C5AR2: variants seen among roughly 807,000 people sequenced by gnomAD.
C5AR2 encodes the protein complement C5a receptor 2.
For synonymous variants in C5AR2, 224 were observed against 216.5 expected (o/e 1.03, Z -0.30); for missense variants, 458 against 467.5 (o/e 0.98, Z 0.19).
Position 47,340,824 on chromosome 19 carries a change from G to C in C5AR2, c.25G>C (p.Glu9Gln). MGNDSVSY[E>Q]YGDYSDLSDR... The stretch of plus-strand genomic sequence containing the variant: ...AATGGGGAACGATTCTGTCAGCTAC[G>C]AGTATGGGGATTACAGCGACCTCTC... The change falls in exon 2 of 2, where the codon GAG becomes CAG. Residue 9 changes from glutamate to glutamine, a missense_variant. Physicochemically the swap from Glu to Gln is conservative, Grantham distance 29. Transcript: ENST00000595464. The C allele has an allele frequency of 6.2e-7, 1 of 1,613,514 alleles. No individual in the cohort carries two copies. Among genetic ancestry groups the C allele is most frequent in the Non-Finnish European group, 8.5e-7 (1 of 1,179,994 alleles).
intron 1 of C5AR2, among the ~76,000 whole-genome samples, chr19:47,334,809 C>G (rs547983395): frequency 1.6e-4 from 24 of 151,996 alleles, no homozygotes; most frequent in Non-Finnish European, 2.9e-4. Context: ...GCCTTGACCT[C>G]ACGGGCGTAG....
chr19:47,341,836 G>A lies in C5AR2; in HGVS notation c.*23G>A, dbSNP rs531288928. On this transcript the variant is annotated 3_prime_UTR_variant, in exon 2 of 2. Coordinates refer to ENST00000595464, the MANE Select transcript of C5AR2 (RefSeq NM_001271749.2). This position sits in a 1 kb window ranked among gnomAD's most constrained non-coding sequence, Gnocchi z 4.6. ...TAGGCTGGAGAGACATTGTGGGTGTGTATCTTCTTATCTCATTTCACAAGA... is the reference window on the plus strand; with the variant it reads ...TAGGCTGGAGAGACATTGTGGGTGTATATCTTCTTATCTCATTTCACAAGA... The A allele has an allele frequency of 2.5e-6, 4 of 1,605,122 alleles. No homozygotes were observed. In the South Asian group the frequency reaches 3.3e-5, roughly 13 times the overall value.
rs1969124833 is a variant in C5AR2, at chr19:47,346,696, C to T, written c.*4883C>T. 1 of 151,498 alleles carries T rather than the reference C, an allele frequency of 6.6e-6. No individual in the cohort carries two copies. Among genetic ancestry groups the T allele is most frequent in the African/African-American group, 2.4e-5 (1 of 41,088 alleles). The allele number at this position is 151,498 out of a possible 1,614,324, so 9.4% of individuals were successfully genotyped here. ...CTCCAGCCTGGGTGACAGAGCAAGA[C>T]TCCGTCTAAAAAAAAAAAATAGTAA... On this transcript the variant is annotated 3_prime_UTR_variant, in exon 2 of 2. Coordinates refer to ENST00000595464, the MANE Select transcript of C5AR2 (RefSeq NM_001271749.2).
Position 47,342,094 on chromosome 19 carries a change from C to T in C5AR2, c.*281C>T, listed in dbSNP as rs967630036. The T allele has an allele frequency of 5.9e-6, 2 of 338,886 alleles. No homozygotes were observed. The highest frequency in any genetic ancestry group is 3.8e-5 in the South Asian group (1 of 26,174). 21.0% of individuals were successfully genotyped at this position (338,886 alleles called of 1,614,324 possible). A position where few individuals can be genotyped will look rare whatever the true frequency, so the allele number is the denominator to read the frequency against. On this transcript the variant is annotated 3_prime_UTR_variant, in exon 2 of 2. Coordinates refer to ENST00000595464, the MANE Select transcript of C5AR2 (RefSeq NM_001271749.2). Reference sequence around the variant, plus strand: ...ATAGGGCCATTTGCGGTGGCTCACGCCTGTAATTCCAGGGCTTTGGGAGGC... The same window carrying T: ...ATAGGGCCATTTGCGGTGGCTCACGTCTGTAATTCCAGGGCTTTGGGAGGC...
chr19:47,335,780 AAAAAAAAAAAAAAAAAAAAAAAG>A (rs1016594878), intron 1 of C5AR2, among the ~76,000 whole-genome samples: 1 of 130,758 alleles, frequency 7.6e-6, no homozygotes, highest in Admixed American at 7.7e-5. Context: ...TCAAAAAAAA[AAAAAAAAAAAAAAAAAAAAAAAG>A]AAAGTTTTCG....
intron 1 of C5AR2, among the ~76,000 whole-genome samples, chr19:47,332,989 TTTCTC>T (rs2059345087): frequency 6.6e-6 from 1 of 151,976 alleles, no homozygotes; most frequent in South Asian, 2.1e-4. Flanking sequence ...TTCCAATTCT[TTTCTC>T]TTTCTTTCCT....
At chr19:47,337,374 CT>C (rs1362812840) in intron 1 of C5AR2, among the ~76,000 whole-genome samples, 1 of 152,090 alleles carries the variant, frequency 6.6e-6, no homozygotes, top group Non-Finnish European at 1.5e-5. Context: ...TGAAATTTAC[CT>C]ACTTAGGGCT....
At chr19:47,337,661 CA>C (rs995527893) in intron 1 of C5AR2, among the ~76,000 whole-genome samples, 11 of 143,648 alleles carry the variant, frequency 7.7e-5, no homozygotes, top group Admixed American at 2.1e-4. Context: ...GACTCTGTCT[CA>C]AAAAAAAAAA....
rs577516180 is a variant in C5AR2, at chr19:47,341,435, C to A, written c.636C>A (p.Pro212=). The A allele has an allele frequency of 6.2e-7, 1 of 1,612,060 alleles. No homozygotes were observed. Among genetic ancestry groups the A allele is most frequent in the Non-Finnish European group, 8.5e-7 (1 of 1,179,898 alleles). ...AIRFLFGFLG[P]LVAVASCHSA... ...GGTTTCTTTTTGGCTTCCTGGGGCC[C>A]CTGGTGGCCGTGGCCAGCTGCCACA... is the stretch of plus-strand genomic sequence containing the variant. The change falls in exon 2 of 2, where the codon CCC becomes CCA. Residue 212 remains proline, a synonymous_variant. Coordinates refer to ENST00000595464, the MANE Select transcript of C5AR2 (RefSeq NM_001271749.2). This position sits in a 1 kb window ranked among gnomAD's most constrained non-coding sequence, Gnocchi z 4.6.
At chr19:47,338,906 C>T (rs1229890409) in intron 1 of C5AR2, among the ~76,000 whole-genome samples, 1 of 151,910 alleles carries the variant, frequency 6.6e-6, no homozygotes, top group South Asian at 2.1e-4. Flanking sequence ...GTAATCCCAG[C>T]ACTTTGGGAG....
In C5AR2 at chr19:47,343,837, C is replaced by CA. The variant is rs571187864; in HGVS notation, c.*2035dup. ...TGGATGTCAGAATGAGACTCCATCT[C>CA]AAAAAAAAAAAGAAAGAAAGAATAA... On this transcript the variant is annotated 3_prime_UTR_variant, in exon 2 of 2. Coordinates refer to ENST00000595464, the MANE Select transcript of C5AR2 (RefSeq NM_001271749.2). The CA allele has an allele frequency of 1.7e-3, 235 of 137,768 alleles. No individual in the cohort carries two copies. The highest frequency in any genetic ancestry group is 2.5e-3 in the Non-Finnish European group (156 of 63,310). The allele number at this position is 137,768 out of a possible 1,614,324, so 8.5% of individuals were successfully genotyped here. A position where few individuals can be genotyped will look rare whatever the true frequency, so the allele number is the denominator to read the frequency against.
chr19:47,338,439 C>A (rs1211633927), intron 1 of C5AR2, among the ~76,000 whole-genome samples: 4 of 37,524 alleles, frequency 1.1e-4, no homozygotes, highest in Non-Finnish European at 1.5e-4. Flanking sequence ...AGAGCAATAT[C>A]TGTCCCTAAA....
chr19:47,341,740 C>T lies in C5AR2; in HGVS notation c.941C>T (p.Ser314Phe), dbSNP rs780687004. The stretch of plus-strand genomic sequence containing the variant: ...GCCTGTCACTGGGCCCTGAGGGAGT[C>T]CCAGGGCCAGGACGAAAGTGTGGAC... Reference protein sequence around the residue: ...PAACHWALRESQGQDESVDSK... With the variant: ...PAACHWALREFQGQDESVDSK... Residue 314 changes from serine to phenylalanine, a missense_variant, in exon 2 of 2, where the codon TCC becomes TTC. Coordinates refer to ENST00000595464, the MANE Select transcript of C5AR2 (RefSeq NM_001271749.2). This position sits in a 1 kb window ranked among gnomAD's most constrained non-coding sequence, Gnocchi z 4.6. 5 of 1,613,820 alleles carry T rather than the reference C, an allele frequency of 3.1e-6. No individual in the cohort carries two copies. The Admixed American group carries it at 8.3e-5, about 27-fold the overall frequency.
chr19:47,341,075 G>A lies in C5AR2; in HGVS notation c.276G>A (p.Val92=), dbSNP rs745543150. The A allele has an allele frequency of 1.1e-5, 17 of 1,605,470 alleles. No homozygotes were observed. In the South Asian group the frequency reaches 1.2e-4, roughly 11 times the overall value. Residue 92 remains valine (V), a synonymous_variant, in exon 2 of 2, where the codon GTG becomes GTA. Coordinates refer to ENST00000595464, the MANE Select transcript of C5AR2 (RefSeq NM_001271749.2). This position sits in a 1 kb window ranked among gnomAD's most constrained non-coding sequence, Gnocchi z 4.6. ...GTTTGTCTCTGCCCATCCTGGCAGT[G>A]CCCATTGCCCGTGGAGGCCACTGGC... ...LCCLSLPILA[V]PIARGGHWPY...
At chr19:47,333,987 C>T (rs1376679938) in intron 1 of C5AR2, among the ~76,000 whole-genome samples, 2 of 152,158 alleles carry the variant, frequency 1.3e-5, no homozygotes, top group East Asian at 3.9e-4. Context: ...CTTGCAATCA[C>T]AACAAAAGAA....
Position 47,342,667 on chromosome 19 carries a change from C to A in C5AR2, c.*854C>A, listed in dbSNP as rs1969061719. 1 of 152,550 alleles carries A rather than the reference C, an allele frequency of 6.6e-6. No homozygotes were observed. Among genetic ancestry groups the A allele is most frequent in the Admixed American group, 6.6e-5 (1 of 15,254 alleles). The allele number at this position is 152,550 out of a possible 1,614,324, so 9.4% of individuals were successfully genotyped here. A position where few individuals can be genotyped will look rare whatever the true frequency, so the allele number is the denominator to read the frequency against. ...AAGTGCTGGGATTACAGGCGTGAGCCACCGCACCCGGCCAAAAGATTTTAA... is the reference window on the plus strand; with the variant it reads ...AAGTGCTGGGATTACAGGCGTGAGCAACCGCACCCGGCCAAAAGATTTTAA... On this transcript the variant is annotated 3_prime_UTR_variant, in exon 2 of 2. Coordinates refer to ENST00000595464, the MANE Select transcript of C5AR2 (RefSeq NM_001271749.2).
chr19:47,338,151 C>A (rs1372847815), intron 1 of C5AR2, among the ~76,000 whole-genome samples: 1 of 152,026 alleles, frequency 6.6e-6, no homozygotes, highest in Non-Finnish European at 1.5e-5. Context: ...TGGCCACTGC[C>A]TGTAGTCCCA....
Position 47,345,358 on chromosome 19 carries a change from CTTTTTT to C in C5AR2, c.*3563_*3568del. On this transcript the variant is annotated 3_prime_UTR_variant, in exon 2 of 2. Transcript: ENST00000595464. The stretch of plus-strand genomic sequence containing the variant: ...GCTCAGTCAGAAAGCACTGGTATCA[CTTTTTT>C]TTTTTTTTTTTTTTTTTGAGACGGA... 6 of 111,102 alleles carry C rather than the reference CTTTTTT, an allele frequency of 5.4e-5. No homozygotes were observed. Among genetic ancestry groups the C allele is most frequent in the East Asian group, 2.6e-4 (1 of 3,776 alleles). The allele number at this position is 111,102 out of a possible 1,614,324, so 6.9% of individuals were successfully genotyped here.
chr19:47,336,603 G>A (rs1300467478), intron 1 of C5AR2, among the ~76,000 whole-genome samples: 4 of 151,808 alleles, frequency 2.6e-5, no homozygotes, highest in African/African-American at 9.7e-5. Flanking sequence ...AAACTCCTGG[G>A]CTCATGTGAT....
Sources: allele counts gnomAD v4.1 joint callset (sites outside exome capture counted in the v4.1 genomes callset), GRCh38; gene constraint gnomAD v4.1.1; non-coding constraint Gnocchi (gnomAD v3.1); transcripts MANE v1.5; gene names NCBI Gene and HGNC (gene_info 2026-07-23, HGNC 2026-07-21).